The following QKI variants were observed in gnomAD, a reference collection of about 807,000 sequenced individuals.
QKI encodes the protein QKI, KH domain containing RNA binding, also known as KH domain-containing RNA-binding protein QKI.
In QKI, 10 loss-of-function variants were observed where a neutral mutation model predicts 39.0. The ratio of observed to expected loss-of-function variants is 0.26; its 90% CI spans 0.16 to 0.43. QKI has a LOEUF of 0.43. Among genes scored for constraint, QKI ranks in the 20% least tolerant of loss-of-function variants. The pLI, the probability that QKI is intolerant of heterozygous loss-of-function variation, is 1.00. For missense variants in QKI, 218 were observed against 428.0 expected (o/e 0.51, Z 4.33); for synonymous variants, 204 against 155.4 (o/e 1.31, Z -2.33).
chr6:163,500,106 T>C (rs1778666141), intron 3 of QKI, among the ~76,000 whole-genome samples: 1 of 152,140 alleles, frequency 6.6e-6, no homozygotes, highest in Non-Finnish European at 1.5e-5. Context: ...GTCCAAGGAA[T>C]AGCAAAGTCA....
intron 4 of QKI, among the ~76,000 whole-genome samples, chr6:163,552,091 G>T (rs1443574974): frequency 2.0e-5 from 3 of 151,430 alleles, no homozygotes; most frequent in Non-Finnish European, 4.4e-5. Flanking sequence ...ATTATATACT[G>T]TATTCTTACA....
chr6:163,569,423 TCTC>T (rs1423967612), intron 7 of QKI: 10 of 1,268,390 alleles, frequency 7.9e-6, no homozygotes, highest in East Asian at 6.0e-5. Context: ...TTCATTCACA[TCTC>T]CTCTGCCTTA....
rs769690258 is a variant in QKI, at chr6:163,564,740, G to A, written c.934+1021G>A. ...CTGGATGAAGGACTAGAATACAGCA[G>A]CTGTTATAACACGACCAGTCAATGT... On this transcript the variant is annotated intron_variant, in intron 6 of 7. Coordinates refer to ENST00000361752, the MANE Select transcript of QKI (RefSeq NM_006775.3). The A allele has an allele frequency of 3.7e-6, 6 of 1,613,866 alleles. No individual in the cohort carries two copies. The Admixed American group carries it at 8.3e-5, about 22-fold the overall frequency.
At chr6:163,568,102 C>G (rs1783477275) in intron 7 of QKI, 1 of 985,244 alleles carries the variant, frequency 1.0e-6, no homozygotes, top group Non-Finnish European at 1.2e-6. Flanking sequence ...TGTAAGTGTT[C>G]TGTATGAGCA....
intron 1 of QKI, among the ~76,000 whole-genome samples, chr6:163,430,443 T>G (rs1163729929): frequency 7.0e-6 from 1 of 142,918 alleles, no homozygotes; most frequent in Non-Finnish European, 1.5e-5. Context: ...TGGCTTTTTA[T>G]TTTTTTTGTT....
chr6:163,550,813 G>A (rs896585741), intron 4 of QKI, among the ~76,000 whole-genome samples: 1 of 152,078 alleles, frequency 6.6e-6, no homozygotes, highest in Non-Finnish European at 1.5e-5. Flanking sequence ...GGGCATGGTG[G>A]TGGGCGCCTG....
intron 4 of QKI, among the ~76,000 whole-genome samples, chr6:163,557,571 G>A (rs1040067264): frequency 1.1e-4 from 17 of 152,202 alleles, no homozygotes; most frequent in South Asian, 4.1e-4. Flanking sequence ...AATGGTTGAC[G>A]GGTACGATAA....
intron 2 of QKI, among the ~76,000 whole-genome samples, chr6:163,473,151 T>TA (rs1202362525): frequency 6.6e-6 from 1 of 152,196 alleles, no homozygotes; most frequent in East Asian, 1.9e-4. Flanking sequence ...CAGTCAGCTG[T>TA]AAGGTCAGTC....
At chr6:163,501,354 T>G (rs2128231754) in intron 3 of QKI, among the ~76,000 whole-genome samples, 1 of 152,116 alleles carries the variant, frequency 6.6e-6, no homozygotes, top group African/African-American at 2.4e-5. Flanking sequence ...ATGAGCTGCT[T>G]GTACATACAA....
intron 1 of QKI, among the ~76,000 whole-genome samples, chr6:163,451,529 A>T (rs1790558261): frequency 6.6e-6 from 1 of 152,224 alleles, no homozygotes; most frequent in African/African-American, 2.4e-5. Flanking sequence ...TTAGGAGAGC[A>T]GATTTTGGTT....
chr6:163,419,615 T>A (rs1395427579), intron 1 of QKI, among the ~76,000 whole-genome samples: 1 of 152,190 alleles, frequency 6.6e-6, no homozygotes, highest in East Asian at 1.9e-4. Flanking sequence ...AGCAGCTATA[T>A]ATTGGCAGTC....
At chr6:163,464,995 G>A (rs1791625368) in intron 2 of QKI, among the ~76,000 whole-genome samples, 1 of 152,166 alleles carries the variant, frequency 6.6e-6, no homozygotes, top group Non-Finnish European at 1.5e-5. Flanking sequence ...ATGATCAAGT[G>A]AGATTTTTCC....
intron 2 of QKI, among the ~76,000 whole-genome samples, chr6:163,474,895 T>C (rs1269955592): frequency 6.6e-6 from 1 of 151,992 alleles, no homozygotes; most frequent in Non-Finnish European, 1.5e-5. Flanking sequence ...ACTTGCACTT[T>C]AGCCTAAACA....
chr6:163,515,533 G>A (rs963069443), intron 3 of QKI, among the ~76,000 whole-genome samples: 1 of 151,914 alleles, frequency 6.6e-6, no homozygotes, highest in Non-Finnish European at 1.5e-5. Context: ...AATATTTTGG[G>A]GCAGTCAAAA....
intron 1 of QKI, among the ~76,000 whole-genome samples, chr6:163,419,089 A>G (rs375385703): frequency 6.6e-6 from 1 of 152,118 alleles, no homozygotes; most frequent in Non-Finnish European, 1.5e-5. Flanking sequence ...ATTTGAAAAT[A>G]TATTTTCATT....
chr6:163,467,723 G>A (rs999722643), intron 2 of QKI, among the ~76,000 whole-genome samples: 1 of 152,134 alleles, frequency 6.6e-6, no homozygotes, highest in Admixed American at 6.6e-5. Flanking sequence ...TTAATATGAA[G>A]GTAACAAGGC....
At chr6:163,455,537 C>T (rs1264613228) in intron 2 of QKI, 116 bp downstream of exon 2, 2 of 1,024,904 alleles carry the variant, frequency 2.0e-6, no homozygotes, top group East Asian at 2.5e-5. Context: ...ATGCAGTCAT[C>T]AACTGAAGTG....
At chr6:163,500,496 A>G (rs1377927870) in intron 3 of QKI, among the ~76,000 whole-genome samples, 1 of 152,148 alleles carries the variant, frequency 6.6e-6, no homozygotes, top group Non-Finnish European at 1.5e-5. Context: ...GTTTATATTT[A>G]TTGTTTGCTT....
At chr6:163,456,376 A>T (rs1054448659) in intron 2 of QKI, among the ~76,000 whole-genome samples, 1 of 152,142 alleles carries the variant, frequency 6.6e-6, no homozygotes, top group East Asian at 1.9e-4. Context: ...TCACTGCTGT[A>T]TCCCTCATAA....
Sources: gnomAD v4.1 joint callset for allele counts (sites outside exome capture counted in the v4.1 genomes callset) on GRCh38, gnomAD v4.1.1 for gene constraint, MANE v1.5 for transcripts, NCBI Gene and HGNC (gene_info 2026-07-23, HGNC 2026-07-21) for gene names.